Variants in MYO5A observed in about 807,000 individuals in gnomAD.
MYO5A encodes the protein unconventional myosin-Va.
Under a neutral mutation model 249.7 loss-of-function variants are expected in MYO5A, and 98 were observed. The observed-to-expected ratio is 0.39, with a 90% CI of 0.33 to 0.46. MYO5A has a LOEUF of 0.46. Ranked by LOEUF, MYO5A falls within the 20% of genes least tolerant of loss-of-function variation. MYO5A has a pLI of 0.98. For missense variants in MYO5A, 1,696 were observed against 2,308.8 expected (o/e 0.73, Z 5.44); for synonymous variants, 778 against 810.6 (o/e 0.96, Z 0.68).
chr15:52,365,164 C>T (rs868753353), intron 23 of MYO5A, among the ~76,000 whole-genome samples: 5 of 152,242 alleles, frequency 3.3e-5, no homozygotes, highest in African/African-American at 1.2e-4. Flanking sequence ...TCCTACTCTA[C>T]AGAGTCTCTC....
At chr15:52,411,185 A>G (rs2043232511) in intron 5 of MYO5A, among the ~76,000 whole-genome samples, 3 of 152,218 alleles carry the variant, frequency 2.0e-5, no homozygotes, top group Non-Finnish European at 2.9e-5. Context: ...CCTGCTTTAC[A>G]TAAATAAGAT....
At chr15:52,382,984 A>G in intron 16 of MYO5A, 107 bp downstream of exon 16, 1 of 976,610 alleles carries the variant, frequency 1.0e-6, no homozygotes, top group Non-Finnish European at 1.6e-6. Flanking sequence ...ACTTACCCAA[A>G]TATTTTTTTC....
intron 35 of MYO5A, among the ~76,000 whole-genome samples, chr15:52,329,596 T>C (rs2038774724): frequency 6.6e-6 from 1 of 152,250 alleles, no homozygotes; most frequent in African/African-American, 2.4e-5. Flanking sequence ...CCTTTTTTTG[T>C]TTCTTCCCTA....
rs1052475148 is a variant in MYO5A, at chr15:52,389,282, G to A, written c.1624C>T (p.Arg542Cys). 2.5e-6 allele frequency: 4 copies of A among 1,613,138 alleles called. No individual in the cohort carries two copies. Among genetic ancestry groups the A allele is most frequent in the Non-Finnish European group, 3.4e-6 (4 of 1,179,380 alleles). Reference protein sequence around the residue: ...LNKCALFEKPRLSNKAFIIQH... With the variant: ...LNKCALFEKPCLSNKAFIIQH... ...ATGATGAAAGCTTTGTTTGATAGAC[G>A]AGGCTTTTCAAAGAGTGCACATTTG... The change falls in exon 13 of 42, where the codon CGT becomes TGT. Residue 542 changes from arginine to cysteine, a missense_variant. By Grantham distance (180) the Arg-to-Cys change is radical. Around this residue, in one of 5 missense-constraint regions of MYO5A, gnomAD observed 277 missense variants for 422.4 expected, o/e 0.66. Coordinates refer to ENST00000399233, the MANE Select transcript of MYO5A (RefSeq NM_001382347.1).
intron 3 of MYO5A, 133 bp from the exon 4 acceptor site, chr15:52,426,107 T>C: frequency 2.5e-6 from 2 of 810,720 alleles, no homozygotes; most frequent in Non-Finnish European, 3.9e-6. Context: ...AACCAATAAA[T>C]TGTTCAAGGA....
At position 52,336,439 on chromosome 15, in the gene MYO5A, G is replaced by C. The variant is rs376946679; in HGVS notation, c.4408+24C>G. On this transcript the variant is annotated intron_variant, in intron 34 of 41. Transcript: ENST00000399233. ...AGACTCAAACCAAGACTCAGTGACCGTCTTGAAAAAAAGGTTTAAATACCT... is the reference window on the plus strand; with the variant it reads ...AGACTCAAACCAAGACTCAGTGACCCTCTTGAAAAAAAGGTTTAAATACCT... 3 of 1,470,372 alleles carry C rather than the reference G, an allele frequency of 2.0e-6. No homozygotes were observed. The East Asian group carries it at 6.9e-5, about 34-fold the overall frequency. The allele number at this position is 1,470,372 out of a possible 1,614,324, so 91.1% of individuals were successfully genotyped here. A position where few individuals can be genotyped will look rare whatever the true frequency, so the allele number is the denominator to read the frequency against.
chr15:52,365,497 C>T (rs2040760685), intron 23 of MYO5A, among the ~76,000 whole-genome samples: 1 of 152,190 alleles, frequency 6.6e-6, no homozygotes, highest in Non-Finnish European at 1.5e-5. Flanking sequence ...CAACCAGTCA[C>T]ATTTATAATA....
chr15:52,408,699 T>A (rs2043117448), intron 6 of MYO5A, among the ~76,000 whole-genome samples: 1 of 152,212 alleles, frequency 6.6e-6, no homozygotes. Flanking sequence ...TTTTCAGTAT[T>A]TCCTGAGAGT....
At chr15:52,420,557 G>A (rs1306184028) in intron 4 of MYO5A, among the ~76,000 whole-genome samples, 1 of 151,662 alleles carries the variant, frequency 6.6e-6, no homozygotes, top group Admixed American at 6.6e-5. Context: ...ACAACAATGA[G>A]CCAAATAAAT....
intron 1 of MYO5A, among the ~76,000 whole-genome samples, chr15:52,456,663 T>C (rs2076125303): frequency 6.6e-6 from 1 of 151,988 alleles, no homozygotes; most frequent in Non-Finnish European, 1.5e-5. Context: ...CAGATATAAA[T>C]GTATACATTT....
At chr15:52,357,755 A>G (rs1262047822) in intron 25 of MYO5A, among the ~76,000 whole-genome samples, 1 of 152,196 alleles carries the variant, frequency 6.6e-6, no homozygotes, top group Non-Finnish European at 1.5e-5. Flanking sequence ...GCAAGAAGGA[A>G]GATTGGGCCA....
intron 20 of MYO5A, among the ~76,000 whole-genome samples, chr15:52,374,408 T>C (rs2041291167): frequency 6.6e-6 from 1 of 152,228 alleles, no homozygotes; most frequent in African/African-American, 2.4e-5. Context: ...TCTGTAGTCA[T>C]CTGAATAGGG....
At position 52,372,274 on chromosome 15, in the gene MYO5A, G is replaced by C. The variant is rs982945296; in HGVS notation, c.2667C>G (p.Ile889Met). ...GCCTGAAGCAGCACTGAAGGTAGAT[G>C]ATGGCATGCATGCTCCTCTTGTAGT... ...RTHYKRSMHAIIYLQCCFRRM... is the reference protein window; with the variant it reads ...RTHYKRSMHAMIYLQCCFRRM... Residue 889 changes from isoleucine to methionine, a missense_variant, in exon 21 of 42, where the codon ATC becomes ATG. Around this residue, in one of 5 missense-constraint regions of MYO5A, gnomAD observed 412 missense variants for 453.3 expected, o/e 0.91. Transcript: ENST00000399233. 4 of 1,611,486 alleles carry C rather than the reference G, an allele frequency of 2.5e-6. No homozygotes were observed. In the Admixed American group the frequency reaches 5.0e-5, roughly 20 times the overall value.
chr15:52,399,221 TG>T (rs1439222834), intron 9 of MYO5A, among the ~76,000 whole-genome samples: 1 of 152,186 alleles, frequency 6.6e-6, no homozygotes, highest in Non-Finnish European at 1.5e-5. Flanking sequence ...AGGTTTCTGT[TG>T]ATTTTTGCTA....
In MYO5A at chr15:52,313,661, G is replaced by C; in HGVS notation, c.*35C>G. On this transcript the variant is annotated 3_prime_UTR_variant, in exon 42 of 42. Transcript: ENST00000399233. ...AATAATGGGTTCTTATTTCGGGCAAGAAATGTATTGTCAATTTTTGCCTGG... is the reference window on the plus strand; with the variant it reads ...AATAATGGGTTCTTATTTCGGGCAACAAATGTATTGTCAATTTTTGCCTGG... 1.2e-6 allele frequency: 2 copies of C among 1,612,594 alleles called. No homozygotes were observed. Among genetic ancestry groups the C allele is most frequent in the Non-Finnish European group, 1.7e-6 (2 of 1,178,752 alleles).
chr15:52,430,910 C>T (rs557659809), intron 2 of MYO5A, among the ~76,000 whole-genome samples: 65 of 152,048 alleles, frequency 4.3e-4, no homozygotes, highest in Middle Eastern at 3.4e-3. Flanking sequence ...AAAAGGATCC[C>T]TATTAACTCA....
intron 1 of MYO5A, among the ~76,000 whole-genome samples, chr15:52,433,993 CTTTT>C (rs1208199574): frequency 2.9e-4 from 41 of 139,994 alleles, no homozygotes; most frequent in African/African-American, 1.0e-3. Flanking sequence ...TTTGTTCTTT[CTTTT>C]TCTTTTTTTT....
chr15:52,435,318 C>A (rs955993547), intron 1 of MYO5A, among the ~76,000 whole-genome samples: 9 of 147,526 alleles, frequency 6.1e-5, no homozygotes, highest in Non-Finnish European at 1.3e-4. Context: ...ACTCTGTCAC[C>A]CAGGCTGGAG....
rs768365995 is a variant in MYO5A at position 52,323,351 on chromosome 15, T to G, written c.4800+4A>C. The G allele has an allele frequency of 6.2e-7, 1 of 1,610,644 alleles. No individual in the cohort carries two copies. Among genetic ancestry groups the G allele is most frequent in the East Asian group, 2.2e-5 (1 of 44,824 alleles). On this transcript the variant is annotated splice_donor_region_variant and intron_variant, in intron 37 of 41. Coordinates refer to ENST00000399233, the MANE Select transcript of MYO5A (RefSeq NM_001382347.1). Reference sequence around the variant, plus strand: ...TGCTGGTTTTGTAATCAAGGTTTTCTCACCTCTTCTCCACTGTACTGTTTC... The same window carrying G: ...TGCTGGTTTTGTAATCAAGGTTTTCGCACCTCTTCTCCACTGTACTGTTTC...
Sources: allele counts gnomAD v4.1 joint callset (sites outside exome capture counted in the v4.1 genomes callset), GRCh38; gene constraint gnomAD v4.1.1; regional missense constraint gnomAD v4.1.1; transcripts MANE v1.5; gene names NCBI Gene and HGNC (gene_info 2026-07-23, HGNC 2026-07-21).